Variants in IRAK4 observed in about 807,000 individuals in gnomAD.
IRAK4 encodes interleukin 1 receptor associated kinase 4.
Under a neutral mutation model 51.8 loss-of-function variants are expected in IRAK4, and 44 were observed. That is an observed-to-expected ratio of 0.85 (90% CI 0.67 to 1.09). The LOEUF is 1.09. Among genes scored for constraint, IRAK4 ranks in the 50% least tolerant of loss-of-function variants. IRAK4 has a pLI of 0.00. For synonymous variants in IRAK4, 149 were observed against 174.1 expected (o/e 0.86, Z 1.13); for missense variants, 487 against 538.0 (o/e 0.91, Z 0.94).
At chr12:43,769,376 T>C (rs1940504923) in intron 2 of IRAK4, among the ~76,000 whole-genome samples, 2 of 152,160 alleles carry the variant, frequency 1.3e-5, no homozygotes, top group Admixed American at 1.3e-4. Context: ...TAAAGTATTA[T>C]AGGCTGAGCA....
At chr12:43,775,117 CA>C (rs1211168828) in intron 6 of IRAK4, among the ~76,000 whole-genome samples, 1 of 152,100 alleles carries the variant, frequency 6.6e-6, no homozygotes, top group Non-Finnish European at 1.5e-5. Context: ...TGTAAATCAC[CA>C]ATCATAGTTA....
chr12:43,765,933 C>T (rs1187333497), intron 1 of IRAK4, among the ~76,000 whole-genome samples: 3 of 151,908 alleles, frequency 2.0e-5, no homozygotes, highest in East Asian at 1.9e-4. Flanking sequence ...AATGTTTTGA[C>T]GTTTTACCTC....
At chr12:43,767,759 A>G (rs1467085098) in intron 1 of IRAK4, among the ~76,000 whole-genome samples, 1 of 152,120 alleles carries the variant, frequency 6.6e-6, no homozygotes, top group Admixed American at 6.5e-5. Context: ...GAATATGCTA[A>G]TTCTGATAGT....
intron 2 of IRAK4, among the ~76,000 whole-genome samples, chr12:43,769,093 A>G (rs1940473200): frequency 6.6e-6 from 1 of 152,140 alleles, no homozygotes; most frequent in Admixed American, 6.5e-5. Flanking sequence ...ACTGTTAAAA[A>G]CTTATGGAAG....
At chr12:43,778,119 A>G in intron 7 of IRAK4, 74 bp from the exon 8 acceptor site, 1 of 876,920 alleles carries the variant, frequency 1.1e-6, no homozygotes, top group Non-Finnish European at 1.9e-6. Context: ...CTAGAAAAAT[A>G]TTCTGTGTTA....
At chr12:43,770,367 C>A (rs890313867) in intron 2 of IRAK4, among the ~76,000 whole-genome samples, 1 of 151,930 alleles carries the variant, frequency 6.6e-6, no homozygotes, top group Admixed American at 6.6e-5. Flanking sequence ...AGTAATATTG[C>A]TAGTAGATTA....
intron 6 of IRAK4, among the ~76,000 whole-genome samples, chr12:43,777,264 C>T (rs1008475420): frequency 6.6e-6 from 1 of 151,992 alleles, no homozygotes; most frequent in Non-Finnish European, 1.5e-5. Flanking sequence ...TGGTGTACAC[C>T]AGTAGTCCAA....
rs1286738876 is a variant in IRAK4, at chr12:43,772,241, A to T, written c.369A>T (p.Lys123Asn). The change falls in exon 4 of 12, where the codon AAA becomes AAT. Residue 123 changes from lysine to asparagine, a missense_variant. Lys to Asn is a moderately conservative substitution (Grantham distance 94, BLOSUM62 0). Transcript: ENST00000613694. ...AAGAAGCTATAACAGTTCAGCAAAA[A>T]CAGATGCCTTTCTGTGACAAAGACA... Reference protein sequence around the residue: ...PSKEAITVQQKQMPFCDKDRT... With the variant: ...PSKEAITVQQNQMPFCDKDRT... The T allele has an allele frequency of 6.2e-7, 1 of 1,613,868 alleles. No individual in the cohort carries two copies. Among genetic ancestry groups the T allele is most frequent in the Non-Finnish European group, 8.5e-7 (1 of 1,179,894 alleles).
chr12:43,782,199 T>C, intron 8 of IRAK4, 108 bp from the exon 9 acceptor site: 1 of 729,986 alleles, frequency 1.4e-6, no homozygotes, highest in African/African-American at 1.7e-5. Flanking sequence ...TATGCATGTA[T>C]GCATATACAT....
Position 43,782,288 on chromosome 12 carries a change from A to G in IRAK4, c.942-19A>G. On this transcript the variant is annotated intron_variant, in intron 8 of 11. Coordinates refer to ENST00000613694, the MANE Select transcript of IRAK4 (RefSeq NM_016123.4). ...GGTGGGAAAAACATTTTTTTCTTCA[A>G]ACTTTACATTTTTTTCAGTGCAAAT... 3 of 1,596,238 alleles carry G rather than the reference A, an allele frequency of 1.9e-6. No individual in the cohort carries two copies. The highest frequency in any genetic ancestry group is 2.6e-6 in the Non-Finnish European group (3 of 1,163,934).
intron 6 of IRAK4, among the ~76,000 whole-genome samples, chr12:43,775,593 T>G (rs1430028175): frequency 6.6e-6 from 1 of 152,204 alleles, no homozygotes. Flanking sequence ...CTAGCATATG[T>G]GAAAATCATA....
Position 43,789,205 on chromosome 12 carries a change from G to A in IRAK4, c.*2490G>A, listed in dbSNP as rs1942403795. ...GTGGAGGTGGGGCCTGATGGGAAGT[G>A]TTTGGGTCATGGTGGATGATCCCTC... On this transcript the variant is annotated 3_prime_UTR_variant, in exon 12 of 12. Transcript: ENST00000613694. 6.6e-6 allele frequency: 1 copy of A among 152,186 alleles called. No homozygotes were observed. Among genetic ancestry groups the A allele is most frequent in the Non-Finnish European group, 1.5e-5 (1 of 68,064 alleles). The allele number at this position is 152,186 out of a possible 1,614,324, so 9.4% of individuals were successfully genotyped here.
intron 2 of IRAK4, chr12:43,768,491 T>C (rs1565666326): frequency 1.0e-5 from 4 of 382,768 alleles, no homozygotes; most frequent in Non-Finnish European, 1.4e-5. Flanking sequence ...CTCAAATAAG[T>C]TTTTTGGGTT....
chr12:43,785,096 A>G (rs1942091818), intron 10 of IRAK4, among the ~76,000 whole-genome samples: 1 of 152,172 alleles, frequency 6.6e-6, no homozygotes, highest in African/African-American at 2.4e-5. Context: ...TGGAGACTCC[A>G]GAGAGAATCT....
chr12:43,767,521 G>A lies in IRAK4; in HGVS notation c.-9-582G>A, dbSNP rs568913548. Among the ~76,000 whole-genome samples the A allele has an allele frequency of 7.2e-5, 11 of 152,246 alleles. No individual in the cohort carries two copies. The South Asian group carries it at 2.3e-3, about 32-fold the overall frequency. ...TTTGGCGTAGTAGCAAATGAATTGT[G>A]GTCAGGCAGATCTCATGGACTCAAA... On this transcript the variant is annotated intron_variant, in intron 1 of 11. Coordinates refer to ENST00000613694, the MANE Select transcript of IRAK4 (RefSeq NM_016123.4).
chr12:43,771,453 T>C (rs1940754142), intron 3 of IRAK4, 88 bp downstream of exon 3: 8 of 1,367,206 alleles, frequency 5.9e-6, no homozygotes, highest in Non-Finnish European at 8.3e-6. Flanking sequence ...CTTCCTTTTT[T>C]CTCATAGTAG....
intron 5 of IRAK4, 39 bp from the exon 6 acceptor site, chr12:43,773,926 G>C: frequency 7.5e-7 from 1 of 1,334,174 alleles, no homozygotes; most frequent in Non-Finnish European, 1.1e-6. Flanking sequence ...AGGAACCTTA[G>C]AATTGTGTAG....
chr12:43,782,237 GCTAAGGAA>G (rs1338341953), intron 8 of IRAK4, 62 bp from the exon 9 acceptor site: 1 of 943,400 alleles, frequency 1.1e-6, no homozygotes, highest in Non-Finnish European at 1.7e-6. Flanking sequence ...CGTACATCTA[GCTAAGGAA>G]CTGTTTGACT....
chr12:43,777,656 T>C lies in IRAK4; in HGVS notation c.743T>C (p.Leu248Pro). 1 of 1,609,820 alleles carries C rather than the reference T, an allele frequency of 6.2e-7. No individual in the cohort carries two copies. The highest frequency in any genetic ancestry group is 8.5e-7 in the Non-Finnish European group (1 of 1,177,952). ...TGTCAACATGAAAACTTAGTAGAAC[T>C]ACTTGGTTTCTCAAGTGATGGAGAT... ...AKCQHENLVE[L>P]LGFSSDGDDL... Residue 248 changes from leucine (L) to proline (P), a missense_variant, in exon 7 of 12, where the codon CTA becomes CCA. By Grantham distance (98) the Leu-to-Pro change is moderately conservative (BLOSUM62 -3). Transcript: ENST00000613694.
Sources: gnomAD v4.1 joint callset for allele counts (sites outside exome capture counted in the v4.1 genomes callset) on GRCh38, gnomAD v4.1.1 for gene constraint, MANE v1.5 for transcripts, NCBI Gene and HGNC (gene_info 2026-07-23, HGNC 2026-07-21) for gene names.